The following DDHD2 variants were observed in gnomAD, a reference collection of about 807,000 sequenced individuals.
DDHD2 encodes the protein triacylglycerol hydrolase DDHD2.
In DDHD2, 62 loss-of-function variants were observed where a neutral mutation model predicts 91.2. The observed-to-expected ratio is 0.68, with a 90% CI of 0.55 to 0.84. The LOEUF (loss-of-function observed/expected upper bound fraction) is 0.84. DDHD2 is among the 40% of genes least tolerant of loss of function. The pLI, the probability that DDHD2 is intolerant of heterozygous loss-of-function variation, is 0.00. For missense variants in DDHD2, 740 were observed against 846.9 expected, an observed-to-expected ratio of 0.87 and a Z score of 1.57; for synonymous variants, 271 against 293.9, an observed-to-expected ratio of 0.92 and a Z score of 0.80.
At chr8:38,268,789 C>A (rs1315143975) in intron 1 of DDHD2, 14 of 1,443,154 alleles carry the variant, frequency 9.7e-6, no homozygotes, top group South Asian at 1.5e-5. Flanking sequence ...GGCAGTGGGT[C>A]CCTACAAAGG....
chr8:38,234,456 G>A lies in DDHD2; in HGVS notation c.283G>A (p.Glu95Lys). ...DGGRYDVHLG[E>K]RMRYAVYWDE... ...GGGCAGATATGATGTTCATTTGGGG[G>A]AGAGGATGCGGTATGCTGTATACTG... The change falls in exon 3 of 18, where the codon GAG (glutamate) becomes AAG (lysine). Residue 95 changes from glutamate (E) to lysine (K), a missense_variant. This residue lies in a region of DDHD2 where 693 missense variants were observed against 764.2 expected (regional missense o/e 0.91). Coordinates refer to ENST00000397166, the MANE Select transcript of DDHD2 (RefSeq NM_015214.3). The A allele has an allele frequency of 6.2e-7, 1 of 1,612,292 alleles. No homozygotes were observed. Among genetic ancestry groups the A allele is most frequent in the African/African-American group, 1.3e-5 (1 of 74,960 alleles).
At chr8:38,248,944 CAAAA>C (rs35672008) in intron 10 of DDHD2, among the ~76,000 whole-genome samples, 2 of 53,622 alleles carry the variant, frequency 3.7e-5, no homozygotes, top group African/African-American at 6.5e-5. Flanking sequence ...GACTCCATCT[CAAAA>C]AAAAAAAAAA....
rs758497992 is a variant in DDHD2, at chr8:38,252,256, C to A, written c.1586C>A (p.Thr529Lys). 2 of 1,613,758 alleles carry A rather than the reference C, an allele frequency of 1.2e-6. No homozygotes were observed. The highest frequency in any genetic ancestry group is 1.3e-5 in the African/African-American group (1 of 74,918). Reference protein sequence around the residue: ...KRIDPNYRFPTCKGFFNIYHP... With the variant: ...KRIDPNYRFPKCKGFFNIYHP... ...ATTGATCCCAACTACAGATTTCCAA[C>A]GTGCAAAGGTTTCTTCAATATTTAT... Residue 529 changes from threonine to lysine, a missense_variant, in exon 13 of 18, where the codon ACG (threonine) becomes AAG (lysine). Transcript: ENST00000397166.
intron 11 of DDHD2, 121 bp from the exon 12 acceptor site, chr8:38,251,791 C>G (rs1359909904): frequency 1.5e-6 from 1 of 652,306 alleles, no homozygotes; most frequent in East Asian, 2.7e-5. Flanking sequence ...CCACGTTGGA[C>G]TTGAACTCTT....
In DDHD2 at chr8:38,267,839, C is replaced by G. The variant is rs193187393; in HGVS notation, n.88-3283C>G. The G allele has an allele frequency of 9.9e-5, 150 of 1,515,980 alleles. No homozygotes were observed. In the African/African-American group the frequency reaches 1.7e-3, roughly 17 times the overall value. 93.9% of individuals were successfully genotyped at this position (1,515,980 alleles called of 1,614,324 possible). Reference sequence around the variant, plus strand: ...CGTGTGGTGGACACCATTAACCTCTCTGTTCTGGTGGGTAAGGGCTGAGGC... The same window carrying G: ...CGTGTGGTGGACACCATTAACCTCTGTGTTCTGGTGGGTAAGGGCTGAGGC... On this transcript the variant is annotated intron_variant and non_coding_transcript_variant, in intron 1 of 1. Transcript: ENST00000526071.
At chr8:38,269,291 TG>T (rs1808328099) in intron 1 of DDHD2, 3 of 1,263,354 alleles carry the variant, frequency 2.4e-6, no homozygotes, top group Middle Eastern at 2.9e-4. Context: ...CTCTCCCAGT[TG>T]CCCGCGCTCC....
At position 38,252,716 on chromosome 8, in the gene DDHD2, A is replaced by T. The variant is rs745477461; in HGVS notation, c.1618-6A>T. Reference sequence around the variant, plus strand: ...GGTAAATGTAGCTCTTGTTTTTCCTATGTAGTTTGATCCTGTGGCCTATAG... The same window carrying T: ...GGTAAATGTAGCTCTTGTTTTTCCTTTGTAGTTTGATCCTGTGGCCTATAG... On this transcript the variant is annotated splice_polypyrimidine_tract_variant and splice_region_variant and intron_variant, in intron 13 of 17. Transcript: ENST00000397166. 3.6e-5 allele frequency: 58 copies of T among 1,606,774 alleles called. No individual in the cohort carries two copies. Among genetic ancestry groups the T allele is most frequent in the Non-Finnish European group, 4.5e-5 (53 of 1,174,086 alleles).
rs1441451833 is a variant in DDHD2 at position 38,260,075 on chromosome 8, A to T, written c.2090A>T (p.Glu697Val). 1 of 1,613,776 alleles carries T rather than the reference A, an allele frequency of 6.2e-7. No homozygotes were observed. The highest frequency in any genetic ancestry group is 2.2e-5 in the East Asian group (1 of 44,864). The change falls in exon 17 of 18, where the codon GAG (glutamate) becomes GTG (valine). Residue 697 changes from glutamate to valine, a missense_variant. Around this residue, in one of 2 missense-constraint regions of DDHD2, gnomAD observed 47 missense variants for 82.6 expected, o/e 0.57. Transcript: ENST00000397166. ...GATACAGTATTGCTCGTCCTCAAAG[A>T]GATCTACCAAACCCAGGGTATCTTC... ...SEDTVLLVLK[E>V]IYQTQGIFLD...
chr8:38,233,514 G>T (rs1331805560), intron 2 of DDHD2, among the ~76,000 whole-genome samples: 1 of 151,930 alleles, frequency 6.6e-6, no homozygotes, highest in African/African-American at 2.4e-5. Context: ...GAACTCCTAG[G>T]TTCAAGCAAT....
chr8:38,267,321 C>A (rs7845496), downstream of DDHD2: 33 of 1,613,904 alleles, frequency 2.0e-5, no homozygotes, highest in African/African-American at 4.1e-4. Context: ...ACGTCCTTAT[C>A]CCCTGTACAC....
intron 16 of DDHD2, among the ~76,000 whole-genome samples, chr8:38,257,447 C>T (rs1363956998): frequency 6.6e-6 from 1 of 151,226 alleles, no homozygotes; most frequent in Non-Finnish European, 1.5e-5. Context: ...TGGGGTTTCA[C>T]CATGTTGGCC....
In DDHD2 at chr8:38,253,618, A is replaced by G. The variant is rs914238499; in HGVS notation, c.1954A>G (p.Met652Val). ...KEEVLPINVG[M>V]LNGGQRIDYV... ...AGAAGTCCTGCCTATCAATGTGGGG[A>G]TGCTGAATGGAGGCCAACGCATTGA... The change falls in exon 16 of 18, where the codon ATG becomes GTG. Residue 652 changes from methionine (M) to valine (V), a missense_variant. Met to Val is a conservative substitution (Grantham distance 21). Around this residue, in one of 2 missense-constraint regions of DDHD2, gnomAD observed 47 missense variants for 82.6 expected, o/e 0.57. Coordinates refer to ENST00000397166, the MANE Select transcript of DDHD2 (RefSeq NM_015214.3). The G allele has an allele frequency of 3.1e-6, 5 of 1,614,068 alleles. No homozygotes were observed. Among genetic ancestry groups the G allele is most frequent in the Non-Finnish European group, 4.2e-6 (5 of 1,179,922 alleles).
intron 11 of DDHD2, 23 bp from the exon 12 acceptor site, chr8:38,251,889 C>T: frequency 6.3e-7 from 1 of 1,575,130 alleles, no homozygotes; most frequent in Non-Finnish European, 8.7e-7. Flanking sequence ...AGCTTCTCCA[C>T]ATAACTATTT....
downstream of DDHD2, chr8:38,271,575 T>A (rs1415258656): frequency 1.3e-5 from 2 of 152,210 alleles, no homozygotes; most frequent in Non-Finnish European, 2.9e-5. Context: ...TGGAAGCAAG[T>A]TCTACTTTTT....
downstream of DDHD2, chr8:38,267,795 G>A: frequency 8.4e-7 from 1 of 1,191,054 alleles, no homozygotes; most frequent in Non-Finnish European, 1.2e-6. Flanking sequence ...GAAGATAAAG[G>A]AGAAAAGAAT....
chr8:38,244,384 T>C (rs1446061108), intron 7 of DDHD2, among the ~76,000 whole-genome samples: 1 of 151,896 alleles, frequency 6.6e-6, no homozygotes, highest in African/African-American at 2.4e-5. Flanking sequence ...TGCCTCAGCC[T>C]CCCAGGTGGC....
chr8:38,260,438 C>T (rs1287880291), intron 17 of DDHD2, 162 bp from the exon 18 acceptor site: 2 of 207,236 alleles, frequency 9.7e-6, no homozygotes, highest in East Asian at 1.1e-4. Context: ...CTAAGAGTTA[C>T]TGTGGCAACA....
rs539995740 is a variant in DDHD2 at position 38,248,860 on chromosome 8, G to A, written c.1249-848G>A. On this transcript the variant is annotated intron_variant, in intron 10 of 17. Transcript: ENST00000397166. ...CTTGGGAGGCTGAGGCAGGAGAATC[G>A]CTTGAACCCAGGAGGTGGAGGTTGC... 1.3e-4 allele frequency among the ~76,000 whole-genome samples: 20 copies of A among 149,560 alleles called. 1 individual carries two copies. In the South Asian group the frequency reaches 2.6e-3, roughly 19 times the overall value.
intron 10 of DDHD2, among the ~76,000 whole-genome samples, chr8:38,249,454 TG>T (rs1198945518): frequency 1.3e-5 from 2 of 148,626 alleles, no homozygotes; most frequent in East Asian, 3.9e-4. Flanking sequence ...CCAACTTCTC[TG>T]TTTTTTTTTT....
Sources: gnomAD v4.1 joint callset for allele counts (sites outside exome capture counted in the v4.1 genomes callset) on GRCh38, gnomAD v4.1.1 for gene constraint, gnomAD v4.1.1 regional missense constraint, MANE v1.5 for transcripts, NCBI Gene and HGNC (gene_info 2026-07-23, HGNC 2026-07-21) for gene names.